PHACTR3: variants seen among roughly 807,000 people sequenced by gnomAD.
The protein encoded by PHACTR3 is protein phosphatase 1, regulatory subunit 123.
PHACTR3 carries 16 observed loss-of-function variants against 66.8 expected under a neutral mutation model. The observed-to-expected ratio is 0.24, with a 90% confidence interval of 0.16 to 0.36. The LOEUF is 0.36. PHACTR3 is among the 10% of genes least tolerant of loss of function. The pLI is 1.00. For synonymous variants in PHACTR3, 323 were observed against 292.1 expected, an observed-to-expected ratio of 1.11 and a Z score of -1.08; for missense variants, 647 against 719.9, an observed-to-expected ratio of 0.90 and a Z score of 1.16.
chr20:59,718,127 A>G (rs568972681), intron 1 of PHACTR3, among the ~76,000 whole-genome samples: 14 of 152,334 alleles, frequency 9.2e-5, no homozygotes, highest in African/African-American at 3.4e-4. Flanking sequence ...ACCTTGTCAC[A>G]TGGAAGATTT....
chr20:59,701,178 C>T (rs542467912), intron 1 of PHACTR3, among the ~76,000 whole-genome samples: 9 of 152,268 alleles, frequency 5.9e-5, no homozygotes, highest in Non-Finnish European at 1.2e-4. Flanking sequence ...TAAATCATCA[C>T]GAGTTGTTTT....
Position 59,765,591 on chromosome 20 carries a change from A to C in PHACTR3, c.542-1595A>C, listed in dbSNP as rs567338699. ...GAAAGGGCTGGGAATGAGAGTTTAA[A>C]ACTTCCAACATAGCCAATAAAGGAA... On this transcript the variant is annotated intron_variant, in intron 4 of 12. Transcript: ENST00000371015. 3.9e-5 allele frequency among the ~76,000 whole-genome samples: 6 copies of C among 152,338 alleles called. No individual in the cohort carries two copies. In the South Asian group the frequency reaches 1.2e-3, roughly 32 times the overall value.
intron 8 of PHACTR3, 55 bp downstream of exon 8, chr20:59,806,249 G>A (rs550410280): frequency 1.6e-5 from 25 of 1,581,846 alleles, no homozygotes; most frequent in Middle Eastern, 1.8e-4. Flanking sequence ...TGCAGGCGGA[G>A]CCCCTCTGAG....
chr20:59,594,245 G>A (rs2033263958), intron 1 of PHACTR3, among the ~76,000 whole-genome samples: 1 of 151,894 alleles, frequency 6.6e-6, no homozygotes, highest in Admixed American at 6.6e-5. Flanking sequence ...CTCATTGCTG[G>A]TTTATAGAAA....
intron 5 of PHACTR3, among the ~76,000 whole-genome samples, chr20:59,769,689 A>T (rs1391630237): frequency 6.6e-6 from 1 of 152,212 alleles, no homozygotes; most frequent in Non-Finnish European, 1.5e-5. Context: ...ATCCAAGTGC[A>T]GGCATAGTAC....
In PHACTR3 at chr20:59,840,240, T is replaced by C. The variant is rs1295345016; in HGVS notation, c.1385-129T>C. The C allele has an allele frequency of 4.3e-6, 6 of 1,394,946 alleles. No individual in the cohort carries two copies. The Admixed American group carries it at 1.1e-4, about 25-fold the overall frequency. 86.4% of individuals were successfully genotyped at this position (1,394,946 alleles called of 1,614,324 possible). ...CTGACAAAGTGGGAAGAAAACACCA[T>C]GAGTGATGTGGAATTAACTTCAGCT... On this transcript the variant is annotated intron_variant, in intron 9 of 12. Coordinates refer to ENST00000371015, the MANE Select transcript of PHACTR3 (RefSeq NM_080672.5).
At chr20:59,727,130 C>T (rs780711871) in intron 1 of PHACTR3, among the ~76,000 whole-genome samples, 17 of 152,222 alleles carry the variant, frequency 1.1e-4, no homozygotes, top group Admixed American at 2.0e-4. Context: ...TACTTTCTGT[C>T]TGTATGAATT....
At chr20:59,789,410 G>C (rs1182520) in intron 7 of PHACTR3, among the ~76,000 whole-genome samples, 148,519 of 152,342 alleles carry the variant, frequency 0.97, 72,425 homozygotes, top group East Asian at 1. Context: ...ACAGCTGAAG[G>C]TCAGGGGGTG....
At chr20:59,803,547 C>T (rs1232305479) in intron 7 of PHACTR3, among the ~76,000 whole-genome samples, 1 of 152,188 alleles carries the variant, frequency 6.6e-6, no homozygotes, top group Non-Finnish European at 1.5e-5. Context: ...AAATTGGACA[C>T]ATACACATAT....
At chr20:59,763,075 T>C (rs540913055) in intron 4 of PHACTR3, among the ~76,000 whole-genome samples, 3 of 152,262 alleles carry the variant, frequency 2.0e-5, no homozygotes, top group Admixed American at 6.5e-5. Flanking sequence ...CCCCATAATC[T>C]CCACGTGTCA....
intron 8 of PHACTR3, among the ~76,000 whole-genome samples, chr20:59,833,957 G>C (rs1475361427): frequency 6.6e-6 from 1 of 152,238 alleles, no homozygotes; most frequent in East Asian, 1.9e-4. Context: ...GTGGAACAAG[G>C]TGTTTGGAAA....
intron 1 of PHACTR3, among the ~76,000 whole-genome samples, chr20:59,668,430 C>T (rs915803775): frequency 2.0e-5 from 3 of 152,212 alleles, no homozygotes; most frequent in South Asian, 4.1e-4. Flanking sequence ...GGCTCTTCCT[C>T]CTGCAACAGT....
chr20:59,772,125 A>G (rs1397217801), intron 5 of PHACTR3, among the ~76,000 whole-genome samples: 2 of 152,196 alleles, frequency 1.3e-5, no homozygotes, highest in East Asian at 3.9e-4. Flanking sequence ...GCATACTGGG[A>G]AATGGCAGAT....
At chr20:59,844,289 T>A (rs1017748793) in intron 11 of PHACTR3, 1 of 152,078 alleles carries the variant, frequency 6.6e-6, no homozygotes, top group African/African-American at 2.4e-5. Context: ...AACTATATGA[T>A]CCAGAAATGC....
In PHACTR3 at chr20:59,607,608, T is replaced by C. The variant is rs146313237; in HGVS notation, c.118+2476T>C. Reference sequence around the variant, plus strand: ...AGGTGAGCTATGTTTTGACACCTCTTTCTCCCATTTTCCAGAGGTTACCCC... The same window carrying C: ...AGGTGAGCTATGTTTTGACACCTCTCTCTCCCATTTTCCAGAGGTTACCCC... On this transcript the variant is annotated intron_variant, in intron 1 of 12. Coordinates refer to ENST00000371015, the MANE Select transcript of PHACTR3 (RefSeq NM_080672.5). Among the ~76,000 whole-genome samples, 1,015 of 152,328 alleles carry C rather than the reference T, an allele frequency of 6.7e-3. 20 individuals are homozygous for C. Among genetic ancestry groups the C allele is most frequent in the African/African-American group, 0.023 (951 of 41,580 alleles).
intron 1 of PHACTR3, among the ~76,000 whole-genome samples, chr20:59,674,400 T>C (rs2036310794): frequency 3.6e-5 from 5 of 140,072 alleles, no homozygotes; most frequent in Admixed American, 1.5e-4. Flanking sequence ...CTGTTCCTCC[T>C]TCTCCTGTTC....
intron 8 of PHACTR3, among the ~76,000 whole-genome samples, chr20:59,808,580 G>A (rs1046620305): frequency 6.6e-6 from 1 of 152,210 alleles, no homozygotes; most frequent in African/African-American, 2.4e-5. Flanking sequence ...TGGAGGGAGA[G>A]ACAGTGCCCC....
chr20:59,706,649 T>A (rs777741546), intron 1 of PHACTR3, among the ~76,000 whole-genome samples: 2 of 152,254 alleles, frequency 1.3e-5, no homozygotes, highest in African/African-American at 4.8e-5. Context: ...GAGCTGGTAA[T>A]TGGGGAAAGA....
At chr20:59,647,383 G>A (rs1051681558) in intron 1 of PHACTR3, among the ~76,000 whole-genome samples, 1 of 152,134 alleles carries the variant, frequency 6.6e-6, no homozygotes, top group African/African-American at 2.4e-5. Context: ...GATTTGGGTG[G>A]GGACACAGCC....
Sources: allele counts gnomAD v4.1 joint callset (sites outside exome capture counted in the v4.1 genomes callset), GRCh38; gene constraint gnomAD v4.1.1; transcripts MANE v1.5; gene names NCBI Gene and HGNC (gene_info 2026-07-23, HGNC 2026-07-21).